The following PSG5 variants were observed in gnomAD, a reference collection of about 807,000 sequenced individuals.
PSG5 encodes pregnancy specific beta-1-glycoprotein 5.
PSG5 carries 53 observed loss-of-function variants against 37.7 expected under a neutral mutation model. The observed-to-expected ratio is 1.41, with a 90% CI of 1.13 to 1.77. PSG5 has a LOEUF of 1.77. Among genes scored for constraint, PSG5 ranks in the 40% most tolerant of loss-of-function variants. The pLI, the probability that PSG5 is intolerant of heterozygous loss-of-function variation, is 0.00. For missense variants in PSG5, 547 were observed against 405.2 expected (o/e 1.35, Z -3.00); for synonymous variants, 221 against 155.4 (o/e 1.42, Z -3.14).
intron 4 of PSG5, 197 bp downstream of exon 4, chr19:43,175,018 G>T (rs1348525883): frequency 2.0e-6 from 3 of 1,479,466 alleles, no homozygotes; most frequent in Non-Finnish European, 9.1e-7. Context: ...CAGACACAAG[G>T]TCAGCCATGA....
At position 43,186,475 on chromosome 19, in the gene PSG5, G is replaced by C. The variant is rs1303400980; in HGVS notation, c.-70C>G. On this transcript the variant is annotated 5_prime_UTR_variant, in exon 1 of 6. Transcript: ENST00000342951. ...ATCCAGAAACTTCCTGAGCACGGCT[G>C]TAGGCTGTGCTGTCCTTCCTCCTTC... 1.3e-5 allele frequency: 21 copies of C among 1,599,444 alleles called. No individual in the cohort carries two copies. Among genetic ancestry groups the C allele is most frequent in the Non-Finnish European group, 1.7e-5 (20 of 1,170,406 alleles).
chr19:43,181,331 C>T lies in PSG5; in HGVS notation c.430+3451G>A, dbSNP rs1006125618. 1.9e-4 allele frequency among the ~76,000 whole-genome samples: 29 copies of T among 151,662 alleles called. 1 individual carries two copies. Among genetic ancestry groups the T allele is most frequent in the Non-Finnish European group, 4.0e-4 (27 of 67,870 alleles). Reference sequence around the variant, plus strand: ...TTGAATGTGTTGTTCCACTTTTTTTCCCCCACTCTTATTGAACTTTCCTTT... The same window carrying T: ...TTGAATGTGTTGTTCCACTTTTTTTTCCCCACTCTTATTGAACTTTCCTTT... On this transcript the variant is annotated intron_variant, in intron 2 of 5. Transcript: ENST00000342951.
chr19:43,178,210 C>T (rs1424679640), intron 2 of PSG5, among the ~76,000 whole-genome samples: 2 of 151,550 alleles, frequency 1.3e-5, no homozygotes, highest in African/African-American at 2.4e-5. Context: ...TGCCAATGCT[C>T]CAGGGATCCA....
At chr19:43,178,807 T>G in intron 2 of PSG5, 1 of 1,610,752 alleles carries the variant, frequency 6.2e-7, no homozygotes, top group South Asian at 1.1e-5. Flanking sequence ...TGAGAGGGAC[T>G]GAGAGGCCTG....
chr19:43,185,038 C>G lies in PSG5; in HGVS notation c.174G>C (p.Leu58Phe), dbSNP rs1032190463. Residue 58 changes from leucine (L) to phenylalanine (F), a missense_variant, in exon 2 of 6, where the codon TTG becomes TTC. Leu to Phe is a conservative substitution (Grantham distance 22, BLOSUM62 0). Coordinates refer to ENST00000342951, the MANE Select transcript of PSG5 (RefSeq NM_002781.4). ...GKDVLLLVHN[L>F]PQNLAGYIWY... Reference sequence around the variant, plus strand: ...AGATGTAGCCAGCAAGATTCTGAGGCAAATTGTGGACAAGTAGAAGAACAT... The same window carrying G: ...AGATGTAGCCAGCAAGATTCTGAGGGAAATTGTGGACAAGTAGAAGAACAT... 1 of 1,612,624 alleles carries G rather than the reference C, an allele frequency of 6.2e-7. No homozygotes were observed. Among genetic ancestry groups the G allele is most frequent in the East Asian group, 2.2e-5 (1 of 44,866 alleles).
chr19:43,172,704 A>G (rs373330538), intron 4 of PSG5, among the ~76,000 whole-genome samples: 1 of 151,700 alleles, frequency 6.6e-6, no homozygotes, highest in African/African-American at 2.4e-5. Flanking sequence ...CCTGAAATCT[A>G]CAAAATATTG....
chr19:43,180,404 C>A (rs1279419738), intron 2 of PSG5: 10 of 151,468 alleles, frequency 6.6e-5, no homozygotes, highest in Non-Finnish European at 1.5e-5. Context: ...GTTTAGCATC[C>A]CAAATCTGAA....
At chr19:43,175,520 T>A (rs1172875152) in intron 3 of PSG5, 51 bp from the exon 4 acceptor site, 1 of 1,565,892 alleles carries the variant, frequency 6.4e-7, no homozygotes, top group Non-Finnish European at 8.6e-7. Flanking sequence ...GGGAAGGGGA[T>A]GCTCCTGGTC....
intron 4 of PSG5, chr19:43,174,030 C>A (rs1968954366): frequency 6.6e-6 from 1 of 151,606 alleles, no homozygotes; most frequent in Non-Finnish European, 1.5e-5. Context: ...GTTATTCAAC[C>A]TTAACAAGGA....
rs1966903765 is a variant in PSG5, at chr19:43,185,093, G to C, written c.119C>G (p.Ala40Gly). 1 of 1,611,516 alleles carries C rather than the reference G, an allele frequency of 6.2e-7. No homozygotes were observed. Among genetic ancestry groups the C allele is most frequent in the African/African-American group, 1.3e-5 (1 of 74,444 alleles). ...CCCCTCGGAAACTTTGGGTGGCAGG[G>C]CTTCAATCGTGACTTGAGCAGTGAT... is the stretch of plus-strand genomic sequence containing the variant. The part of the protein sequence containing the change: ...LPITAQVTIE[A>G]LPPKVSEGKD... The change falls in exon 2 of 6, where the codon GCC (alanine) becomes GGC (glycine). Residue 40 changes from alanine (A) to glycine (G), a missense_variant. Ala to Gly is a moderately conservative substitution (Grantham distance 60). Transcript: ENST00000342951.
intron 4 of PSG5, among the ~76,000 whole-genome samples, chr19:43,171,677 A>G (rs562825240): frequency 6.6e-6 from 1 of 151,674 alleles, no homozygotes; most frequent in East Asian, 1.9e-4. Context: ...CAAATCAGAA[A>G]TGAAAATGGA....
At chr19:43,169,211 A>C (rs565869256) in intron 5 of PSG5, among the ~76,000 whole-genome samples, 1 of 151,504 alleles carries the variant, frequency 6.6e-6, no homozygotes, top group Admixed American at 6.6e-5. Flanking sequence ...CTTAGGCTTT[A>C]TGTCTCCTGG....
chr19:43,170,455 T>G, intron 4 of PSG5: 1 of 448,184 alleles, frequency 2.2e-6, no homozygotes, highest in Non-Finnish European at 4.3e-6. Flanking sequence ...CTTTTCATGG[T>G]TGCATCTTTT....
intron 2 of PSG5, chr19:43,179,097 G>A (rs771752107): frequency 6.8e-6 from 11 of 1,609,168 alleles, no homozygotes; most frequent in Middle Eastern, 1.7e-4. Flanking sequence ...TAAGATCACA[G>A]CCTCCATGGC....
At chr19:43,177,503 T>C (rs1361498415) in intron 2 of PSG5, among the ~76,000 whole-genome samples, 2 of 150,608 alleles carry the variant, frequency 1.3e-5, no homozygotes, top group Non-Finnish European at 3.0e-5. Flanking sequence ...AATATATTCC[T>C]GCCCTTTTTT....
chr19:43,170,050 C>G lies in PSG5; in HGVS notation c.*40+5G>C, dbSNP rs537036046. ...GAACCAGGATAAGAGAAAAGGCCATCATACCTGCCAGTCTTCCTGAAATAC... is the reference window on the plus strand; with the variant it reads ...GAACCAGGATAAGAGAAAAGGCCATGATACCTGCCAGTCTTCCTGAAATAC... On this transcript the variant is annotated splice_donor_5th_base_variant and intron_variant, in intron 5 of 5. Coordinates refer to ENST00000342951, the MANE Select transcript of PSG5 (RefSeq NM_002781.4). 2.7e-6 allele frequency: 4 copies of G among 1,501,344 alleles called. No individual in the cohort carries two copies. Among genetic ancestry groups the G allele is most frequent in the Non-Finnish European group, 3.7e-6 (4 of 1,087,984 alleles). 93.0% of individuals were successfully genotyped at this position (1,501,344 alleles called of 1,614,324 possible).
chr19:43,181,051 A>C (rs1348005822), intron 2 of PSG5, among the ~76,000 whole-genome samples: 1 of 151,628 alleles, frequency 6.6e-6, no homozygotes, highest in Non-Finnish European at 1.5e-5. Flanking sequence ...AATTAGGAAG[A>C]ATCTAAGTGA....
intron 4 of PSG5, chr19:43,174,286 G>C (rs1041445136): frequency 1.7e-5 from 5 of 292,920 alleles, no homozygotes; most frequent in Admixed American, 1.3e-4. Flanking sequence ...GAAATGGATA[G>C]TGTGATGGTT....
chr19:43,184,709 T>C lies in PSG5; in HGVS notation c.430+73A>G, dbSNP rs529380485. The C allele has an allele frequency of 4.4e-6, 7 of 1,603,854 alleles. No individual in the cohort carries two copies. The East Asian group carries it at 1.6e-4, about 36-fold the overall frequency. On this transcript the variant is annotated intron_variant, in intron 2 of 5. Coordinates refer to ENST00000342951, the MANE Select transcript of PSG5 (RefSeq NM_002781.4). ...GAGGGACACAGGCACAGTGCAGGCC[T>C]GACAATCCTGTGTGTGTGAAGTAGA...
Sources: allele counts gnomAD v4.1 joint callset (sites outside exome capture counted in the v4.1 genomes callset), GRCh38; gene constraint gnomAD v4.1.1; transcripts MANE v1.5; gene names NCBI Gene and HGNC (gene_info 2026-07-23, HGNC 2026-07-21).